The following DOCK3 variants were observed in gnomAD, a reference collection of about 807,000 sequenced individuals.
DOCK3 encodes the protein dedicator of cytokinesis protein 3.
A neutral mutation model predicts 265.6 loss-of-function variants in DOCK3; 60 were observed. That is an observed-to-expected ratio of 0.23 (90% CI 0.18 to 0.28). The LOEUF is 0.28. DOCK3 is among the 10% of genes least tolerant of loss of function. The pLI is 1.00. For synonymous variants in DOCK3, 881 were observed against 938.0 expected (o/e 0.94, Z 1.11); for missense variants, 1,981 against 2,594.3 (o/e 0.76, Z 5.14).
chr3:51,206,526 G>A (rs917148385), intron 12 of DOCK3, among the ~76,000 whole-genome samples: 4 of 151,790 alleles, frequency 2.6e-5, no homozygotes, highest in Non-Finnish European at 5.9e-5. Context: ...AAGCTGGAAA[G>A]GATTCATAGA....
intron 5 of DOCK3, among the ~76,000 whole-genome samples, chr3:51,011,693 A>G (rs1165772510): frequency 6.6e-6 from 1 of 152,194 alleles, no homozygotes; most frequent in Non-Finnish European, 1.5e-5. Context: ...GGAGGGGAAG[A>G]GGCACACTGA....
chr3:51,000,677 G>A (rs2078448054), intron 5 of DOCK3, among the ~76,000 whole-genome samples: 2 of 151,614 alleles, frequency 1.3e-5, no homozygotes, highest in Admixed American at 1.3e-4. Flanking sequence ...TTTTTGAGAT[G>A]GAGTCTCGCT....
At chr3:51,189,682 T>TGC (rs2087825820) in intron 12 of DOCK3, among the ~76,000 whole-genome samples, 4 of 152,228 alleles carry the variant, frequency 2.6e-5, no homozygotes, top group African/African-American at 9.6e-5. Flanking sequence ...TTAGGTTGGT[T>TGC]CCATATCTTT....
intron 4 of DOCK3, among the ~76,000 whole-genome samples, chr3:50,895,314 G>A (rs1339834731): frequency 6.7e-6 from 1 of 148,688 alleles, no homozygotes; most frequent in Non-Finnish European, 1.5e-5. Context: ...ACAGGTAAAC[G>A]TGTGCCATGG....
Position 51,354,879 on chromosome 3 carries a change from C to T in DOCK3, c.4108-3C>T. ...ATAGAGTGTGCTCTTCTGTTTGTGG[C>T]AGAACAAAGAATACGTGTGCCGTGG... On this transcript the variant is annotated splice_region_variant and splice_polypyrimidine_tract_variant and intron_variant, in intron 40 of 52. Transcript: ENST00000266037. 6.2e-7 allele frequency: 1 copy of T among 1,612,922 alleles called. No homozygotes were observed. Among genetic ancestry groups the T allele is most frequent in the Non-Finnish European group, 8.5e-7 (1 of 1,179,410 alleles).
chr3:51,204,510 G>T (rs1485645304), intron 12 of DOCK3, among the ~76,000 whole-genome samples: 1 of 146,568 alleles, frequency 6.8e-6, no homozygotes, highest in African/African-American at 2.5e-5. Context: ...AAAAAGTCAG[G>T]AAACAACAGG....
intron 1 of DOCK3, among the ~76,000 whole-genome samples, chr3:50,707,085 C>T (rs915721138): frequency 6.6e-6 from 1 of 152,194 alleles, no homozygotes; most frequent in Non-Finnish European, 1.5e-5. Context: ...GATGCCTGCT[C>T]TGGCTTTGCC....
At chr3:51,074,628 G>A (rs2081991239) in intron 6 of DOCK3, among the ~76,000 whole-genome samples, 1 of 152,012 alleles carries the variant, frequency 6.6e-6, no homozygotes, top group Non-Finnish European at 1.5e-5. Context: ...ACATCTCTTT[G>A]AACACATGGA....
At chr3:51,271,160 A>G (rs1372638278) in intron 24 of DOCK3, among the ~76,000 whole-genome samples, 153 bp downstream of exon 24, 2 of 152,240 alleles carry the variant, frequency 1.3e-5, no homozygotes, top group Admixed American at 6.5e-5. Context: ...TTGATAAACT[A>G]TAATAGAGAA....
At chr3:51,090,080 A>ATCC (rs1282923757) in intron 8 of DOCK3, 150 bp from the exon 9 acceptor site, 5 of 893,992 alleles carry the variant, frequency 5.6e-6, no homozygotes. Flanking sequence ...TTGATGCAGC[A>ATCC]TCCCCTACAA....
At chr3:51,092,008 C>G (rs181432062) in intron 9 of DOCK3, among the ~76,000 whole-genome samples, 1 of 152,194 alleles carries the variant, frequency 6.6e-6, no homozygotes, top group East Asian at 1.9e-4. Context: ...TCTTTGCAAC[C>G]CGCAGACCAG....
At chr3:50,749,489 G>C (rs1048908891) in intron 1 of DOCK3, among the ~76,000 whole-genome samples, 5 of 152,168 alleles carry the variant, frequency 3.3e-5, no homozygotes, top group Admixed American at 6.5e-5. Context: ...TATTTGTTTG[G>C]TTTAAGGCTG....
intron 1 of DOCK3, among the ~76,000 whole-genome samples, chr3:50,749,847 G>T (rs974514222): frequency 3.3e-5 from 5 of 152,140 alleles, no homozygotes; most frequent in Non-Finnish European, 7.3e-5. Context: ...TTTCTTTGGG[G>T]TATAGCCTAA....
chr3:50,717,607 A>T (rs2037199134), intron 1 of DOCK3, among the ~76,000 whole-genome samples: 1 of 152,116 alleles, frequency 6.6e-6, no homozygotes, highest in South Asian at 2.1e-4. Flanking sequence ...TGATACTAAT[A>T]ACAAAGTGTC....
intron 5 of DOCK3, among the ~76,000 whole-genome samples, chr3:50,993,144 G>C (rs1027204634): frequency 3.9e-5 from 6 of 152,118 alleles, no homozygotes; most frequent in African/African-American, 1.4e-4. Flanking sequence ...TAGCCATTGA[G>C]GCCCTAAGTT....
intron 10 of DOCK3, among the ~76,000 whole-genome samples, chr3:51,147,024 G>C (rs1397911992): frequency 2.0e-5 from 3 of 151,838 alleles, no homozygotes; most frequent in Admixed American, 6.6e-5. Flanking sequence ...GAGGCAAGAG[G>C]ACCGCCTGAG....
intron 3 of DOCK3, among the ~76,000 whole-genome samples, chr3:50,855,475 A>G (rs765945043): frequency 6.6e-6 from 1 of 152,086 alleles, no homozygotes; most frequent in Non-Finnish European, 1.5e-5. Flanking sequence ...ATGCTATTGA[A>G]GTATAGACGT....
At chr3:51,069,271 G>T (rs145032735) in intron 6 of DOCK3, among the ~76,000 whole-genome samples, 2 of 152,156 alleles carry the variant, frequency 1.3e-5, no homozygotes, top group African/African-American at 4.8e-5. Context: ...CTTACATAGA[G>T]AATTAGTCAG....
chr3:51,381,308 A>T lies in DOCK3; in HGVS notation c.5842A>T (p.Ile1948Phe). 2 of 1,613,494 alleles carry T rather than the reference A, an allele frequency of 1.2e-6. No individual in the cohort carries two copies. The highest frequency in any genetic ancestry group is 2.7e-5 in the African/African-American group (2 of 74,970). The change falls in exon 53 of 53, where the codon ATC becomes TTC. Residue 1948 changes from isoleucine (I) to phenylalanine (F), a missense_variant. Transcript: ENST00000266037. The surrounding 1 kb of genome is among the most constrained non-coding windows in gnomAD (Gnocchi z 5.6). ...CTCTGAGTCTGCCGTCCTGGACTCC[A>T]TCAAGGCCCAGCCATGCCGAAGCCA... ...SLSESAVLDS[I>F]KAQPCRSHSA...
Sources: allele counts gnomAD v4.1 joint callset (sites outside exome capture counted in the v4.1 genomes callset), GRCh38; gene constraint gnomAD v4.1.1; non-coding constraint Gnocchi (gnomAD v3.1); transcripts MANE v1.5; gene names NCBI Gene and HGNC (gene_info 2026-07-23, HGNC 2026-07-21).